GNAI2: variants seen among roughly 807,000 people sequenced by gnomAD.
GNAI2 encodes the protein guanine nucleotide-binding protein G(i) subunit alpha-2.
A neutral mutation model predicts 36.8 loss-of-function variants in GNAI2; 4 were observed. The observed-to-expected ratio is 0.11, with a 90% CI of 0.05 to 0.25. GNAI2 has a LOEUF of 0.25. Ranked by LOEUF, GNAI2 falls within the 10% of genes least tolerant of loss-of-function variation. GNAI2 has a pLI of 1.00. For synonymous variants in GNAI2, 194 were observed against 194.1 expected, an observed-to-expected ratio of 1.00 and a Z score of 0.01; for missense variants, 230 against 481.3, an observed-to-expected ratio of 0.48 and a Z score of 4.89.
upstream of GNAI2, among the ~76,000 whole-genome samples, chr3:50,235,478 C>T (rs782028634): frequency 1.3e-5 from 2 of 152,148 alleles, no homozygotes; most frequent in Non-Finnish European, 2.9e-5. Context: ...CACGACCACG[C>T]CCGGGTAATT....
intron 1 of GNAI2, among the ~76,000 whole-genome samples, chr3:50,243,705 A>T (rs1379819647): frequency 6.6e-6 from 1 of 152,248 alleles, no homozygotes; most frequent in Admixed American, 6.5e-5. Flanking sequence ...CTGATGGACA[A>T]ACTGAAGCTC....
rs1700668716 is a variant in GNAI2, at chr3:50,255,465, C to A, written c.465-727C>A. Among the ~76,000 whole-genome samples, 1 of 152,252 alleles carries A rather than the reference C, an allele frequency of 6.6e-6. No individual in the cohort carries two copies. Among genetic ancestry groups the A allele is most frequent in the South Asian group, 2.1e-4 (1 of 4,838 alleles). Reference sequence around the variant, plus strand: ...ACCTGTCCAGCACCACATCGAGGGACCGCACCCGGCTGCTCTGCGGCTAAT... The same window carrying A: ...ACCTGTCCAGCACCACATCGAGGGAACGCACCCGGCTGCTCTGCGGCTAAT... On this transcript the variant is annotated intron_variant, in intron 4 of 8. Transcript: ENST00000313601. The surrounding 1 kb of genome is among the most constrained non-coding windows in gnomAD (Gnocchi z 4.0).
In GNAI2 at chr3:50,252,997, T is replaced by G. The variant is rs1700602373; in HGVS notation, c.304-27T>G. 6.4e-7 allele frequency: 1 copy of G among 1,558,670 alleles called. No individual in the cohort carries two copies. The highest frequency in any genetic ancestry group is 1.7e-5 in the Admixed American group (1 of 57,618). On this transcript the variant is annotated intron_variant, in intron 3 of 8. Transcript: ENST00000313601. This position sits in a 1 kb window ranked among gnomAD's most constrained non-coding sequence, Gnocchi z 4.1. The stretch of plus-strand genomic sequence containing the variant: ...CAGAGTGGGGGTACATTCCTTCAAC[T>G]GCCTGACCACCCGCCACTGTGCCCA...
upstream of GNAI2, chr3:50,227,233 G>A (rs1699990961): frequency 3.1e-6 from 4 of 1,279,858 alleles, no homozygotes; most frequent in Non-Finnish European, 4.1e-6. The surrounding 1 kb of genome is among the most constrained non-coding windows in gnomAD (Gnocchi z 5.9). Context: ...ACCCTGGCGA[G>A]GTGGGGCCCC....
upstream of GNAI2, among the ~76,000 whole-genome samples, chr3:50,234,796 G>T (rs1487491192): frequency 5.9e-5 from 9 of 152,222 alleles, no homozygotes; most frequent in Admixed American, 2.6e-4. Context: ...AAATGCCTTC[G>T]TGGTTAATTT....
chr3:50,251,406 A>G, intron 1 of GNAI2: 2 of 1,016,740 alleles, frequency 2.0e-6, no homozygotes, highest in Non-Finnish European at 2.4e-6. Flanking sequence ...GAAAAGCTTG[A>G]GTCAGTATGG....
chr3:50,252,365 G>A lies in GNAI2; in HGVS notation c.162-32G>A, dbSNP rs782762383. On this transcript the variant is annotated intron_variant, in intron 2 of 8. Coordinates refer to ENST00000313601, the MANE Select transcript of GNAI2 (RefSeq NM_002070.4). This position sits in a 1 kb window ranked among gnomAD's most constrained non-coding sequence, Gnocchi z 4.1. ...GCCGTGGGAACTCCCAGTGCCCAGG[G>A]GACACTAACCTTCCTGGTCCCTGGC... 7.4e-6 allele frequency: 12 copies of A among 1,612,094 alleles called. No individual in the cohort carries two copies. Among genetic ancestry groups the A allele is most frequent in the Admixed American group, 1.7e-5 (1 of 59,998 alleles).
upstream of GNAI2, among the ~76,000 whole-genome samples, chr3:50,232,616 AGT>A (rs1403874201): frequency 2.6e-5 from 4 of 152,154 alleles, no homozygotes; most frequent in Admixed American, 6.5e-5. Context: ...AGTCCAAACC[AGT>A]GTGTGTGGGG....
At chr3:50,256,486 C>T (rs1553703200) in intron 5 of GNAI2, 166 bp downstream of exon 5, 17 of 731,716 alleles carry the variant, frequency 2.3e-5, no homozygotes, top group Middle Eastern at 3.5e-4. Flanking sequence ...TCAGGATCCA[C>T]GCCACCTCTG....
At position 50,253,807 on chromosome 3, in the gene GNAI2, T is replaced by A. The variant is rs587726793; in HGVS notation, c.464+623T>A. On this transcript the variant is annotated intron_variant, in intron 4 of 8. Transcript: ENST00000313601. This position sits in a 1 kb window ranked among gnomAD's most constrained non-coding sequence, Gnocchi z 4.2. ...AGTGATGAGTGGAGCAAAGTCCCCA[T>A]GCAGTGACAATTTAGGGTGTTAGTG... Among the ~76,000 whole-genome samples the A allele has an allele frequency of 6.6e-6, 1 of 152,168 alleles. No individual in the cohort carries two copies. The highest frequency in any genetic ancestry group is 1.5e-5 in the Non-Finnish European group (1 of 68,024).
upstream of GNAI2, among the ~76,000 whole-genome samples, chr3:50,231,730 C>T (rs967783958): frequency 6.6e-6 from 1 of 152,028 alleles, no homozygotes; most frequent in Non-Finnish European, 1.5e-5. Flanking sequence ...AGCTCACAGC[C>T]AGGGAATGAA....
intron 1 of GNAI2, among the ~76,000 whole-genome samples, chr3:50,249,018 G>A (rs587642406): frequency 2.6e-5 from 4 of 152,226 alleles, no homozygotes; most frequent in African/African-American, 7.2e-5. Context: ...TGGGCAAAAG[G>A]CCAGACCCCC....
At chr3:50,237,570 T>A (rs1375214369) in intron 1 of GNAI2, among the ~76,000 whole-genome samples, 3 of 151,340 alleles carry the variant, frequency 2.0e-5, no homozygotes, top group Admixed American at 2.0e-4. Flanking sequence ...GCTTGTTGGA[T>A]CTTGGGACCC....
chr3:50,227,076 G>T, upstream of GNAI2: 3 of 1,219,922 alleles, frequency 2.5e-6, no homozygotes, highest in Non-Finnish European at 3.2e-6. This position sits in a 1 kb window ranked among gnomAD's most constrained non-coding sequence, Gnocchi z 5.9. Context: ...CCACATCACC[G>T]TCTAATCTCT....
At position 50,253,718 on chromosome 3, in the gene GNAI2, T is replaced by G. The variant is rs1394968207; in HGVS notation, c.464+534T>G. On this transcript the variant is annotated intron_variant, in intron 4 of 8. Coordinates refer to ENST00000313601, the MANE Select transcript of GNAI2 (RefSeq NM_002070.4). This position sits in a 1 kb window ranked among gnomAD's most constrained non-coding sequence, Gnocchi z 4.2. Reference sequence around the variant, plus strand: ...GAGATTGCGCCACTGCACTCTAGCTTGGGTGACAGAGCAAGACTCAGAACA... The same window carrying G: ...GAGATTGCGCCACTGCACTCTAGCTGGGGTGACAGAGCAAGACTCAGAACA... 6.6e-6 allele frequency among the ~76,000 whole-genome samples: 1 copy of G among 152,162 alleles called. No individual in the cohort carries two copies. Among genetic ancestry groups the G allele is most frequent in the Non-Finnish European group, 1.5e-5 (1 of 68,018 alleles).
rs1164911758 is a variant in GNAI2 at position 50,258,791 on chromosome 3, T to C, written c.*448T>C. ...TGCCCAGTCCCCCAACCCCAGCCGC[T>C]CGGAGGCCCCAAAGGAAAAAGCACA... is the stretch of plus-strand genomic sequence containing the variant. On this transcript the variant is annotated 3_prime_UTR_variant, in exon 9 of 9. Coordinates refer to ENST00000313601, the MANE Select transcript of GNAI2 (RefSeq NM_002070.4). 7.7e-6 allele frequency: 3 copies of C among 391,232 alleles called. No individual in the cohort carries two copies. Among genetic ancestry groups the C allele is most frequent in the Non-Finnish European group, 1.5e-5 (3 of 203,560 alleles). 24.2% of individuals were successfully genotyped at this position (391,232 alleles called of 1,614,324 possible). A position where few individuals can be genotyped will look rare whatever the true frequency, so the allele number is the denominator to read the frequency against.
chr3:50,246,272 C>T (rs1418739050), intron 1 of GNAI2, among the ~76,000 whole-genome samples: 2 of 152,146 alleles, frequency 1.3e-5, no homozygotes, highest in African/African-American at 2.4e-5. Flanking sequence ...CTTCCCCAGT[C>T]GCCCCTGGCT....
At chr3:50,243,672 G>C (rs1553701402) in intron 1 of GNAI2, among the ~76,000 whole-genome samples, 2 of 152,200 alleles carry the variant, frequency 1.3e-5, no homozygotes, top group Non-Finnish European at 2.9e-5. Flanking sequence ...TGTGAGGCTG[G>C]GACTGATATT....
rs1253808018 is a variant in GNAI2 at position 50,236,289 on chromosome 3, G to T, written c.-47G>T. On this transcript the variant is annotated 5_prime_UTR_variant, in exon 1 of 9. Coordinates refer to ENST00000313601, the MANE Select transcript of GNAI2 (RefSeq NM_002070.4). This position sits in a 1 kb window ranked among gnomAD's most constrained non-coding sequence, Gnocchi z 4.0. ...GGGTCGGGCGGGGCCGAGCCGGGCCGTGGGCCGTGTGGGGGCCGGGCGGCG... is the reference window on the plus strand; with the variant it reads ...GGGTCGGGCGGGGCCGAGCCGGGCCTTGGGCCGTGTGGGGGCCGGGCGGCG... 32 of 1,300,148 alleles carry T rather than the reference G, an allele frequency of 2.5e-5. No homozygotes were observed. The African/African-American group carries it at 3.9e-4, about 16-fold the overall frequency. The allele number at this position is 1,300,148 out of a possible 1,614,324, so 80.5% of individuals were successfully genotyped here.
Sources: allele counts gnomAD v4.1 joint callset (sites outside exome capture counted in the v4.1 genomes callset), GRCh38; gene constraint gnomAD v4.1.1; non-coding constraint Gnocchi (gnomAD v3.1); transcripts MANE v1.5; gene names NCBI Gene and HGNC (gene_info 2026-07-23, HGNC 2026-07-21).